The following DMD variants were observed in gnomAD, a reference collection of about 807,000 sequenced individuals.
The protein encoded by DMD is dystrophin.
Under a neutral mutation model 330.1 loss-of-function variants are expected in DMD, and 63 were observed. The observed-to-expected ratio is 0.19, with a 90% CI of 0.16 to 0.24. The LOEUF is 0.24. DMD is among the 10% of genes least tolerant of loss of function. The pLI, the probability that DMD is intolerant of heterozygous loss-of-function variation, is 1.00. For synonymous variants in DMD, 1,223 were observed against 959.8 expected, an observed-to-expected ratio of 1.27 and a Z score of -5.07; for missense variants, 3,344 against 2,684.1, an observed-to-expected ratio of 1.25 and a Z score of -5.43.
intron 44 of DMD, among the ~76,000 whole-genome samples, chrX:32,157,913 T>A (rs2096836066): frequency 8.9e-6 from 1 of 112,277 alleles, no homozygotes; most frequent in Non-Finnish European, 1.9e-5. Flanking sequence ...GCTGTTCATA[T>A]TTTTATGCAT....
At chrX:32,545,468 C>T in intron 16 of DMD, 134 bp from the exon 17 acceptor site, 1 of 586,116 alleles carries the variant, frequency 1.7e-6, no homozygotes, top group South Asian at 3.1e-5. Flanking sequence ...AAAATAGCAC[C>T]ATATTGAAGC....
At chrX:33,203,955 G>T (rs1476882584) in intron 1 of DMD, among the ~76,000 whole-genome samples, 1 of 111,312 alleles carries the variant, frequency 9.0e-6, no homozygotes, top group African/African-American at 3.3e-5. Flanking sequence ...CACACAGCAT[G>T]CAATACAACA....
rs2097067266 is a variant in DMD at position 32,206,025 on chromosome X, G to T, written c.6438+10891C>A. 1.2e-5 allele frequency: 6 copies of T among 499,051 alleles called. No homozygotes were observed. The East Asian group carries it at 1.8e-4, about 15-fold the overall frequency. 41.1% of individuals were successfully genotyped at this position (499,051 alleles called of 1,213,427 possible). A position where few individuals can be genotyped will look rare whatever the true frequency, so the allele number is the denominator to read the frequency against. On this transcript the variant is annotated intron_variant, in intron 44 of 78. Coordinates refer to ENST00000357033, the MANE Select transcript of DMD (RefSeq NM_004006.3). ...TGAGCAACAGTTATCTTTAAGAACG[G>T]TCAGTTTAGGGGCTGGGGCAAAGGA...
At chrX:32,638,680 T>C (rs765158375) in intron 11 of DMD, among the ~76,000 whole-genome samples, 1 of 112,148 alleles carries the variant, frequency 8.9e-6, no homozygotes, top group South Asian at 3.7e-4. Flanking sequence ...TTTGAGATTG[T>C]GCACCTCCAA....
intron 50 of DMD, among the ~76,000 whole-genome samples, chrX:31,819,754 C>T (rs1300079551): frequency 8.8e-6 from 1 of 113,145 alleles, no homozygotes; most frequent in Non-Finnish European, 1.9e-5. Flanking sequence ...GTGGGTGTAT[C>T]TCCAGAGAAC....
At chrX:31,894,058 T>C (rs1340689731) in intron 47 of DMD, among the ~76,000 whole-genome samples, 2 of 111,441 alleles carry the variant, frequency 1.8e-5, no homozygotes, top group Non-Finnish European at 3.8e-5. Context: ...TCTGAGGGTT[T>C]ATTGGGAGCT....
At chrX:32,534,084 T>G (rs1194316034) in intron 17 of DMD, among the ~76,000 whole-genome samples, 2 of 111,853 alleles carry the variant, frequency 1.8e-5, no homozygotes, top group East Asian at 5.6e-4. Context: ...ACAAAGCCGG[T>G]TTTTAGTCAG....
intron 51 of DMD, among the ~76,000 whole-genome samples, chrX:31,752,447 C>A (rs1256930299): frequency 9.0e-6 from 1 of 111,104 alleles, no homozygotes. Context: ...ATACCAGGCT[C>A]CTGTGTCCTT....
chrX:31,136,803 TTAATA>T lies in DMD; in HGVS notation c.10922-2614_10922-2610del, dbSNP rs749210513. Among the ~76,000 whole-genome samples the T allele has an allele frequency of 3.6e-3, 399 of 112,197 alleles. 1 individual carries two copies. Among genetic ancestry groups the T allele is most frequent in the African/African-American group, 0.012 (383 of 30,858 alleles). ...TTCCAGATAAACTCTCTGTGAGTCT[TTAATA>T]TGAGTGTCCAAGTATAATACAAATG... On this transcript the variant is annotated intron_variant, in intron 76 of 78. Transcript: ENST00000357033.
intron 57 of DMD, among the ~76,000 whole-genome samples, chrX:31,482,922 G>T (rs1261951858): frequency 9.1e-6 from 1 of 110,215 alleles, no homozygotes; most frequent in East Asian, 2.9e-4. Flanking sequence ...AATAGTTTCA[G>T]GAAAATTGGA....
At chrX:32,820,136 C>T (rs1376122832) in intron 5 of DMD, among the ~76,000 whole-genome samples, 2 of 112,145 alleles carry the variant, frequency 1.8e-5, no homozygotes, top group African/African-American at 6.5e-5. Flanking sequence ...AAAGCGCCTC[C>T]ACATGCTAAT....
At chrX:31,208,410 C>A (rs1669346891) in intron 65 of DMD, among the ~76,000 whole-genome samples, 2 of 112,027 alleles carry the variant, frequency 1.8e-5, no homozygotes, top group African/African-American at 6.5e-5. Flanking sequence ...GTTATACATT[C>A]AGAATGCATT....
intron 9 of DMD, among the ~76,000 whole-genome samples, chrX:32,694,162 C>T (rs2063481031): frequency 9.0e-6 from 1 of 111,345 alleles, no homozygotes; most frequent in African/African-American, 3.3e-5. Context: ...CCTTTCTAGC[C>T]ACCTTTTTCA....
chrX:32,957,429 T>C (rs1432755913), intron 2 of DMD, among the ~76,000 whole-genome samples: 1 of 111,641 alleles, frequency 9.0e-6, no homozygotes, highest in Non-Finnish European at 1.9e-5. Context: ...GTCAAAGAAA[T>C]ATTATAACAG....
intron 44 of DMD, among the ~76,000 whole-genome samples, chrX:31,988,473 CAAAAAAAAAAAAA>C (rs11352664): frequency 4.6e-4 from 11 of 24,152 alleles, no homozygotes; most frequent in Non-Finnish European, 7.8e-4. Context: ...GACTCCATCT[CAAAAAAAAAAAAA>C]AAAAAAAAAA....
intron 60 of DMD, among the ~76,000 whole-genome samples, chrX:31,428,721 T>C (rs1421408834): frequency 8.9e-6 from 1 of 112,367 alleles, no homozygotes; most frequent in Non-Finnish European, 1.9e-5. Context: ...CAACAAATAT[T>C]TACCACGCTA....
intron 60 of DMD, among the ~76,000 whole-genome samples, chrX:31,434,418 G>GCACACACACACACACACA (rs10572572): frequency 1.3e-5 from 1 of 78,046 alleles, no homozygotes; most frequent in East Asian, 4.6e-4. Flanking sequence ...CAGCGCGCGC[G>GCACACACACACACACACA]CACACACACA....
intron 29 of DMD, among the ~76,000 whole-genome samples, chrX:32,424,775 T>C (rs2098204565): frequency 9.7e-6 from 1 of 102,682 alleles, no homozygotes. Flanking sequence ...ATTAAATTGG[T>C]TAAGTTAGAG....
rs553809583 is a variant in DMD at position 33,298,929 on chromosome X, T to A, written c.7+40330A>T. Among the ~76,000 whole-genome samples the A allele has an allele frequency of 1.4e-3, 160 of 111,712 alleles. 1 individual carries two copies. The highest frequency in any genetic ancestry group is 2.6e-3 in the Non-Finnish European group (137 of 53,076). The stretch of plus-strand genomic sequence containing the variant: ...AAGTGAGTGCGGAAGTGATTCCACG[T>A]ACCAGAAAGGGGACAGAAGCGGAAC... On this transcript the variant is annotated intron_variant, in intron 1 of 17. Transcript: ENST00000288447.
Sources: allele counts gnomAD v4.1 joint callset (sites outside exome capture counted in the v4.1 genomes callset), GRCh38; gene constraint gnomAD v4.1.1; transcripts MANE v1.5; gene names NCBI Gene and HGNC (gene_info 2026-07-23, HGNC 2026-07-21).